PTPRD: variants seen among roughly 807,000 people sequenced by gnomAD.
PTPRD encodes protein tyrosine phosphatase receptor type D, also known as receptor-type tyrosine-protein phosphatase delta.
Under a neutral mutation model 214.5 loss-of-function variants are expected in PTPRD, and 34 were observed. That is an observed-to-expected ratio of 0.16 (90% CI 0.12 to 0.21). PTPRD has a LOEUF of 0.21. Among genes scored for constraint, PTPRD ranks in the 10% least tolerant of loss-of-function variants. PTPRD has a pLI of 1.00. For missense variants in PTPRD, 2,545 were observed against 2,398.7 expected (o/e 1.06, Z -1.27); for synonymous variants, 1,128 against 845.7 (o/e 1.33, Z -5.79).
rs182873396 is a variant in PTPRD, at chr9:10,053,891, G to A, written c.-544-20101C>T. Among the ~76,000 whole-genome samples, 136 of 151,946 alleles carry A rather than the reference G, an allele frequency of 9.0e-4. 1 individual carries two copies. The South Asian group carries it at 0.017, about 19-fold the overall frequency. ...CTCGTGCCTCATCCTACTGAGTAGCGGGGATTACAGGTGTACGCCAACACA... is the reference window on the plus strand; with the variant it reads ...CTCGTGCCTCATCCTACTGAGTAGCAGGGATTACAGGTGTACGCCAACACA... On this transcript the variant is annotated intron_variant, in intron 3 of 45. Coordinates refer to ENST00000381196, the MANE Select transcript of PTPRD (RefSeq NM_002839.4).
chr9:8,423,236 C>G (rs1289691089), intron 35 of PTPRD, among the ~76,000 whole-genome samples: 1 of 152,148 alleles, frequency 6.6e-6, no homozygotes, highest in African/African-American at 2.4e-5. Context: ...CAATCCGGCT[C>G]AATAAGTTAT....
intron 34 of PTPRD, chr9:8,438,944 G>A (rs139329352): frequency 6.6e-6 from 1 of 152,120 alleles, no homozygotes; most frequent in Non-Finnish European, 1.5e-5. Flanking sequence ...ACATGGTCTG[G>A]AAGTATTATA....
At chr9:8,726,063 A>G (rs1054638173) in intron 12 of PTPRD, among the ~76,000 whole-genome samples, 2 of 151,464 alleles carry the variant, frequency 1.3e-5, no homozygotes, top group African/African-American at 2.4e-5. Context: ...ACACACACAC[A>G]CAGTTTAGTG....
At chr9:9,310,694 G>A (rs1030303755) in intron 9 of PTPRD, among the ~76,000 whole-genome samples, 6 of 152,000 alleles carry the variant, frequency 3.9e-5, no homozygotes, top group Admixed American at 2.6e-4. Flanking sequence ...GAAGCAGGCC[G>A]ATCACCTGAG....
In PTPRD at chr9:9,584,359, CATT is replaced by C. The variant is rs565638451; in HGVS notation, c.-286-9581_-286-9579del. Reference sequence around the variant, plus strand: ...ACATTAAAACATTTTATTTCATCACCATTATTATTATTATTATTATTTGCTATG... The same window carrying C: ...ACATTAAAACATTTTATTTCATCACCATTATTATTATTATTATTTGCTATG... On this transcript the variant is annotated intron_variant, in intron 7 of 45. Transcript: ENST00000381196. Among the ~76,000 whole-genome samples the C allele has an allele frequency of 8.0e-5, 12 of 149,178 alleles. 1 individual carries two copies. The East Asian group carries it at 1.4e-3, about 17-fold the overall frequency.
chr9:8,347,287 A>T (rs4740940), intron 39 of PTPRD, among the ~76,000 whole-genome samples: 77,026 of 151,958 alleles, frequency 0.51, 21,859 homozygotes, highest in Non-Finnish European at 0.65. Flanking sequence ...CCATCCAGGG[A>T]CAAAGAGGAA....
intron 9 of PTPRD, among the ~76,000 whole-genome samples, chr9:9,227,365 C>A (rs571881507): frequency 6.6e-6 from 1 of 152,234 alleles, no homozygotes; most frequent in Non-Finnish European, 1.5e-5. Flanking sequence ...TGTGAAATTA[C>A]AACCTCAGCC....
chr9:10,395,784 G>A (rs1228726097), intron 2 of PTPRD, among the ~76,000 whole-genome samples: 1 of 151,828 alleles, frequency 6.6e-6, no homozygotes, highest in Admixed American at 6.6e-5. Context: ...TGAATGAAGT[G>A]TAATAATCAC....
At chr9:10,459,905 T>C (rs1242247767) in intron 2 of PTPRD, among the ~76,000 whole-genome samples, 1 of 151,950 alleles carries the variant, frequency 6.6e-6, no homozygotes, top group African/African-American at 2.4e-5. Flanking sequence ...TAGTTTCTCC[T>C]TAAATATTAA....
At chr9:9,982,097 G>C (rs1223433304) in intron 4 of PTPRD, among the ~76,000 whole-genome samples, 2 of 152,168 alleles carry the variant, frequency 1.3e-5, no homozygotes, top group African/African-American at 2.4e-5. Flanking sequence ...TTGGTGGACA[G>C]CTTCTTGAGC....
intron 11 of PTPRD, among the ~76,000 whole-genome samples, chr9:8,960,947 T>C (rs1431564096): frequency 6.6e-6 from 1 of 152,238 alleles, no homozygotes; most frequent in East Asian, 1.9e-4. Context: ...TTTTATCTTG[T>C]TCCTGGGATT....
At chr9:9,874,668 A>G (rs1442071117) in intron 5 of PTPRD, among the ~76,000 whole-genome samples, 1 of 152,214 alleles carries the variant, frequency 6.6e-6, no homozygotes, top group Admixed American at 6.5e-5. Context: ...CTATCAAGCA[A>G]TATGTTCACA....
At chr9:8,384,725 C>G (rs2086370432) in intron 37 of PTPRD, among the ~76,000 whole-genome samples, 1 of 152,056 alleles carries the variant, frequency 6.6e-6, no homozygotes, top group Admixed American at 6.6e-5. Flanking sequence ...GGGGTTTTTC[C>G]TTGTTGGTCA....
At chr9:10,234,226 T>G (rs1219211209) in intron 3 of PTPRD, among the ~76,000 whole-genome samples, 1 of 151,334 alleles carries the variant, frequency 6.6e-6, no homozygotes, top group Non-Finnish European at 1.5e-5. Context: ...AATAAATAAT[T>G]AATAAAAAAT....
chr9:8,491,884 G>A (rs944061979), intron 27 of PTPRD, among the ~76,000 whole-genome samples: 1 of 152,122 alleles, frequency 6.6e-6, no homozygotes, highest in Non-Finnish European at 1.5e-5. Context: ...AAAGATATTT[G>A]AGAAGTGATT....
At chr9:8,607,779 G>C (rs1341890292) in intron 14 of PTPRD, among the ~76,000 whole-genome samples, 1 of 152,174 alleles carries the variant, frequency 6.6e-6, no homozygotes, top group Non-Finnish European at 1.5e-5. Flanking sequence ...TCATAGAATA[G>C]TCACTTAATA....
At chr9:8,501,496 A>G (rs536467995) in intron 23 of PTPRD, among the ~76,000 whole-genome samples, 1 of 152,296 alleles carries the variant, frequency 6.6e-6, no homozygotes, top group South Asian at 2.1e-4. Flanking sequence ...TTTCACTTCT[A>G]TATTCTAGAA....
intron 7 of PTPRD, among the ~76,000 whole-genome samples, chr9:9,686,872 T>G (rs1339016388): frequency 1.3e-5 from 2 of 151,768 alleles, no homozygotes; most frequent in Non-Finnish European, 2.9e-5. Context: ...GAGCAATGAT[T>G]CTTAGTCAAC....
intron 3 of PTPRD, among the ~76,000 whole-genome samples, chr9:10,119,836 T>C (rs1030768835): frequency 1.4e-4 from 21 of 152,032 alleles, no homozygotes; most frequent in African/African-American, 1.7e-4. Context: ...AGCTCCGAGA[T>C]AATGAGAGGT....
Sources: gnomAD v4.1 joint callset for allele counts (sites outside exome capture counted in the v4.1 genomes callset) on GRCh38, gnomAD v4.1.1 for gene constraint, MANE v1.5 for transcripts, NCBI Gene and HGNC (gene_info 2026-07-23, HGNC 2026-07-21) for gene names.